Variants in OSBPL10 observed in about 807,000 individuals in gnomAD.
The protein encoded by OSBPL10 is oxysterol-binding protein-related protein 10.
In OSBPL10, 49 loss-of-function variants were observed where a neutral mutation model predicts 81.7. That is an observed-to-expected ratio of 0.60 (90% CI 0.48 to 0.76). OSBPL10 has a LOEUF of 0.76. Ranked by LOEUF, OSBPL10 falls within the 30% of genes least tolerant of loss-of-function variation. The pLI is 0.00. For missense variants in OSBPL10, 923 were observed against 987.8 expected, an observed-to-expected ratio of 0.93 and a Z score of 0.88; for synonymous variants, 419 against 383.6, an observed-to-expected ratio of 1.09 and a Z score of -1.08.
At chr3:31,753,048 C>T (rs1329381836) in intron 4 of OSBPL10, among the ~76,000 whole-genome samples, 1 of 152,014 alleles carries the variant, frequency 6.6e-6, no homozygotes, top group Non-Finnish European at 1.5e-5. Context: ...CTTGGTTTGG[C>T]ATTTCTCTTC....
At chr3:31,881,269 T>A (rs1695570259) in intron 1 of OSBPL10, among the ~76,000 whole-genome samples, 1 of 152,214 alleles carries the variant, frequency 6.6e-6, no homozygotes, top group Non-Finnish European at 1.5e-5. Flanking sequence ...GCTACTCAGT[T>A]AGCACTTGTG....
chr3:31,769,070 G>C (rs1438579619), intron 4 of OSBPL10, among the ~76,000 whole-genome samples: 2 of 152,088 alleles, frequency 1.3e-5, no homozygotes, highest in Admixed American at 6.6e-5. Context: ...TGGAAAATAA[G>C]AAAGGGGCCC....
At chr3:31,939,742 A>C (rs562836634) in intron 1 of OSBPL10, among the ~76,000 whole-genome samples, 2 of 152,164 alleles carry the variant, frequency 1.3e-5, no homozygotes, top group South Asian at 4.1e-4. Flanking sequence ...GTTTCTTTCT[A>C]TCTTGCTAGC....
At chr3:31,679,750 G>T (rs1169851595) in intron 8 of OSBPL10, among the ~76,000 whole-genome samples, 1 of 152,110 alleles carries the variant, frequency 6.6e-6, no homozygotes, top group African/African-American at 2.4e-5. Context: ...AAAAGGAAAA[G>T]ATTTTTTACC....
Position 31,726,282 on chromosome 3 carries a change from C to T in OSBPL10, c.1095+6975G>A, listed in dbSNP as rs115120938. On this transcript the variant is annotated intron_variant, in intron 6 of 11. Transcript: ENST00000396556. ...ACAGGGGGAGTGTACTAAGGGGCTT[C>T]GCTTCCCAAACAAAAAGTGTCTTTT... 8.6e-3 allele frequency among the ~76,000 whole-genome samples: 1,305 copies of T among 151,732 alleles called. 27 individuals carry two copies. Among genetic ancestry groups the T allele is most frequent in the African/African-American group, 0.03 (1,229 of 41,304 alleles).
At chr3:31,838,338 G>C (rs1052315455) in intron 3 of OSBPL10, among the ~76,000 whole-genome samples, 1 of 151,830 alleles carries the variant, frequency 6.6e-6, no homozygotes, top group Non-Finnish European at 1.5e-5. Context: ...GTGAAACCCC[G>C]TCTTTACTAA....
intron 1 of OSBPL10, among the ~76,000 whole-genome samples, chr3:32,058,061 A>ATCT (rs1211068386): frequency 6.6e-6 from 1 of 152,220 alleles, no homozygotes; most frequent in East Asian, 1.9e-4. Flanking sequence ...TTGAAAACTT[A>ATCT]TCTAATAGTT....
intron 1 of OSBPL10, among the ~76,000 whole-genome samples, chr3:32,049,614 C>G (rs1425928194): frequency 2.0e-5 from 3 of 152,162 alleles, no homozygotes; most frequent in Admixed American, 6.5e-5. Context: ...TCAGTAAAGT[C>G]CCCCTTGCTT....
At chr3:31,847,648 CTG>C (rs1491496153) in intron 3 of OSBPL10, among the ~76,000 whole-genome samples, 1 of 152,084 alleles carries the variant, frequency 6.6e-6, no homozygotes, top group African/African-American at 2.4e-5. Context: ...ACACTCAACA[CTG>C]AGAGAGAGAA....
chr3:31,796,462 G>T (rs1034853867), intron 4 of OSBPL10, among the ~76,000 whole-genome samples: 4 of 152,140 alleles, frequency 2.6e-5, no homozygotes, highest in African/African-American at 9.7e-5. Flanking sequence ...TTATGTAAGG[G>T]ACTTGAGCAT....
intron 4 of OSBPL10, among the ~76,000 whole-genome samples, chr3:31,809,720 A>G (rs1015034360): frequency 3.9e-5 from 6 of 152,212 alleles, no homozygotes; most frequent in African/African-American, 1.4e-4. Flanking sequence ...ATGTGCCAAC[A>G]AACCAGAGAA....
At chr3:31,716,997 G>C (rs1461668623) in intron 6 of OSBPL10, 2 of 152,142 alleles carry the variant, frequency 1.3e-5, no homozygotes, top group Admixed American at 6.5e-5. Context: ...AAATAATCAG[G>C]AGCATCACAA....
chr3:31,976,512 G>A (rs942975135), intron 1 of OSBPL10, among the ~76,000 whole-genome samples: 1 of 152,174 alleles, frequency 6.6e-6, no homozygotes, highest in African/African-American at 2.4e-5. Flanking sequence ...GAGTCCAGTG[G>A]TGTGATCATA....
upstream of OSBPL10, among the ~76,000 whole-genome samples, chr3:31,984,336 G>A (rs1185933892): frequency 6.6e-6 from 1 of 151,508 alleles, no homozygotes; most frequent in Non-Finnish European, 1.5e-5. Flanking sequence ...CACCGTACCG[G>A]GCCCACCTAA....
intron 4 of OSBPL10, among the ~76,000 whole-genome samples, chr3:31,812,413 C>G (rs1699704215): frequency 6.6e-6 from 1 of 152,108 alleles, no homozygotes; most frequent in African/African-American, 2.4e-5. Flanking sequence ...TCCCCACATC[C>G]AAATTTTGGT....
intron 5 of OSBPL10, among the ~76,000 whole-genome samples, chr3:31,745,550 T>C (rs1224811005): frequency 6.6e-6 from 1 of 152,202 alleles, no homozygotes; most frequent in Non-Finnish European, 1.5e-5. Context: ...ACACGGTTCC[T>C]GGCCTCAGTT....
chr3:31,760,892 A>G lies in OSBPL10; in HGVS notation c.730-12772T>C, dbSNP rs1008757872. On this transcript the variant is annotated intron_variant, in intron 4 of 11. Transcript: ENST00000396556. ...TTTTCTCTATGACGGATTACGGTTC[A>G]ACAAACTCTCTGTATCTAAATCTTA... Among the ~76,000 whole-genome samples, 4 of 152,210 alleles carry G rather than the reference A, an allele frequency of 2.6e-5. No homozygotes were observed. The East Asian group carries it at 7.7e-4, about 29-fold the overall frequency.
chr3:31,754,491 A>T (rs552496436), intron 4 of OSBPL10, among the ~76,000 whole-genome samples: 21 of 152,282 alleles, frequency 1.4e-4, no homozygotes, highest in African/African-American at 4.8e-4. Flanking sequence ...AAAGACACAG[A>T]AAGAGAAGGG....
rs1395518227 is a variant in OSBPL10 at position 31,989,431 on chromosome 3, G to A, written n.298+57060C>T. Reference sequence around the variant, plus strand: ...TCATGACTTTGAGTTTCAATGGCAAGAAGACAAAAGAAATAGCCATGAAGC... The same window carrying A: ...TCATGACTTTGAGTTTCAATGGCAAAAAGACAAAAGAAATAGCCATGAAGC... On this transcript the variant is annotated intron_variant and non_coding_transcript_variant, in intron 2 of 3. Transcript: ENST00000479173. 3.1e-6 allele frequency: 5 copies of A among 1,614,194 alleles called. No individual in the cohort carries two copies. The South Asian group carries it at 5.5e-5, about 18-fold the overall frequency.
Sources: allele counts gnomAD v4.1 joint callset (sites outside exome capture counted in the v4.1 genomes callset), GRCh38; gene constraint gnomAD v4.1.1; transcripts MANE v1.5; gene names NCBI Gene and HGNC (gene_info 2026-07-23, HGNC 2026-07-21).